ULK4: variants seen among roughly 807,000 people sequenced by gnomAD.
ULK4 encodes inactive serine/threonine-protein kinase ULK4.
In ULK4, 133 loss-of-function variants were observed where a neutral mutation model predicts 160.6. The observed-to-expected ratio is 0.83, with a 90% CI of 0.72 to 0.96. The LOEUF (loss-of-function observed/expected upper bound fraction) is 0.96, where lower values mean the gene tolerates loss of function less well. ULK4 is among the 40% of genes least tolerant of loss of function. ULK4 has a pLI of 0.00. For missense variants in ULK4, 1,580 were observed against 1,499.5 expected, an observed-to-expected ratio of 1.05 and a Z score of -0.89; for synonymous variants, 534 against 539.8, an observed-to-expected ratio of 0.99 and a Z score of 0.15.
chr3:41,831,012 T>A (rs77717550), intron 18 of ULK4, among the ~76,000 whole-genome samples: 1,930 of 96,966 alleles, frequency 0.02, 28 homozygotes, highest in African/African-American at 0.05. Context: ...TTATTATTTT[T>A]TTTATTTATT....
At chr3:41,653,466 T>C (rs991395682) in intron 30 of ULK4, among the ~76,000 whole-genome samples, 1 of 152,170 alleles carries the variant, frequency 6.6e-6, no homozygotes, top group Non-Finnish European at 1.5e-5. Flanking sequence ...ATTTTTTCAA[T>C]GGCAATTGTC....
At chr3:41,426,529 C>T (rs2082779796) in intron 34 of ULK4, among the ~76,000 whole-genome samples, 1 of 152,130 alleles carries the variant, frequency 6.6e-6, no homozygotes, top group Non-Finnish European at 1.5e-5. Context: ...AAGCAAAACA[C>T]TCCTCAGAAA....
chr3:41,650,451 G>C (rs939961116), intron 30 of ULK4, among the ~76,000 whole-genome samples: 5 of 152,202 alleles, frequency 3.3e-5, no homozygotes, highest in African/African-American at 1.2e-4. Flanking sequence ...CAAGCTTCTG[G>C]ATGCTACCAC....
chr3:41,574,482 T>C (rs1333948997), intron 31 of ULK4, among the ~76,000 whole-genome samples: 2 of 147,234 alleles, frequency 1.4e-5, no homozygotes, highest in Non-Finnish European at 3.0e-5. Flanking sequence ...AGTCTCCTAA[T>C]GGGTGTCTCT....
chr3:41,829,185 T>G (rs1283171197), intron 18 of ULK4, among the ~76,000 whole-genome samples: 8 of 149,938 alleles, frequency 5.3e-5, no homozygotes, highest in Non-Finnish European at 1.0e-4. Flanking sequence ...CCTAAAACCA[T>G]AAAAACCCTA....
chr3:41,882,964 G>C (rs1438488705), intron 17 of ULK4, among the ~76,000 whole-genome samples: 2 of 152,022 alleles, frequency 1.3e-5, no homozygotes, highest in Non-Finnish European at 2.9e-5. Context: ...TAATCATATA[G>C]GTCACAATTC....
chr3:41,913,548 A>G (rs1362310069), intron 8 of ULK4, among the ~76,000 whole-genome samples: 1 of 152,154 alleles, frequency 6.6e-6, no homozygotes, highest in Non-Finnish European at 1.5e-5. Flanking sequence ...TAAAGTAAAT[A>G]TATCAGATAT....
At chr3:41,632,588 A>G (rs1184091109) in intron 30 of ULK4, among the ~76,000 whole-genome samples, 2 of 152,220 alleles carry the variant, frequency 1.3e-5, no homozygotes, top group Non-Finnish European at 2.9e-5. Context: ...AGAAGAGACA[A>G]CAGAATAACC....
chr3:41,840,860 C>T (rs2041896463), intron 17 of ULK4, among the ~76,000 whole-genome samples: 1 of 152,024 alleles, frequency 6.6e-6, no homozygotes, highest in East Asian at 1.9e-4. Context: ...GGGAGCCCCT[C>T]TGCCTGGCTG....
intron 35 of ULK4, among the ~76,000 whole-genome samples, chr3:41,381,714 C>T (rs1487074202): frequency 6.6e-6 from 1 of 152,158 alleles, no homozygotes; most frequent in East Asian, 1.9e-4. Flanking sequence ...TATCTCTTAT[C>T]CTTCACCCTC....
At chr3:41,749,725 T>A (rs1200114124) in intron 22 of ULK4, among the ~76,000 whole-genome samples, 2 of 152,092 alleles carry the variant, frequency 1.3e-5, no homozygotes, top group African/African-American at 4.8e-5. Flanking sequence ...AAGTCCCAAT[T>A]CCATTAATCT....
intron 22 of ULK4, among the ~76,000 whole-genome samples, chr3:41,730,253 C>A (rs1484759595): frequency 1.3e-5 from 2 of 152,062 alleles, no homozygotes; most frequent in African/African-American, 4.8e-5. Flanking sequence ...CAACAAGAAA[C>A]TAAACCCAAC....
intron 17 of ULK4, among the ~76,000 whole-genome samples, chr3:41,844,716 G>A (rs1378729528): frequency 7.9e-5 from 12 of 151,122 alleles, no homozygotes; most frequent in Non-Finnish European, 1.5e-4. Flanking sequence ...CTGCCAGCAC[G>A]CTGTCACCTC....
chr3:41,267,357 G>T (rs1329861113), intron 35 of ULK4, among the ~76,000 whole-genome samples: 1 of 152,068 alleles, frequency 6.6e-6, no homozygotes, highest in Non-Finnish European at 1.5e-5. Context: ...TCCTTTTTAT[G>T]GCTGCATAGT....
chr3:41,831,039 T>G lies in ULK4; in HGVS notation c.1764+4825A>C, dbSNP rs76224583. On this transcript the variant is annotated intron_variant, in intron 18 of 36. Transcript: ENST00000301831. ...TTATTTATTTATTTATTTATTGATTTATTTATTAGACAGGGTGTTGCTCTG... is the reference window on the plus strand; with the variant it reads ...TTATTTATTTATTTATTTATTGATTGATTTATTAGACAGGGTGTTGCTCTG... Among the ~76,000 whole-genome samples, 723 of 142,550 alleles carry G rather than the reference T, an allele frequency of 5.1e-3. 9 individuals carry two copies. Among genetic ancestry groups the G allele is most frequent in the East Asian group, 0.042 (212 of 4,996 alleles). 93.5% of individuals were successfully genotyped at this position (142,550 alleles called of 152,430 possible). A position where few individuals can be genotyped will look rare whatever the true frequency, so the allele number is the denominator to read the frequency against.
intron 32 of ULK4, among the ~76,000 whole-genome samples, chr3:41,509,353 T>A (rs1008910393): frequency 2.0e-5 from 3 of 152,148 alleles, no homozygotes; most frequent in African/African-American, 7.2e-5. Context: ...TAAGAATAAT[T>A]GGTGTTCCTG....
chr3:41,385,632 A>C (rs1159796937), intron 35 of ULK4, among the ~76,000 whole-genome samples: 1 of 152,252 alleles, frequency 6.6e-6, no homozygotes, highest in Non-Finnish European at 1.5e-5. Flanking sequence ...GCAATATCCT[A>C]TGAACAATAC....
Position 41,507,820 on chromosome 3 carries a change from T to C in ULK4, c.3227-44567A>G, listed in dbSNP as rs765323180. ...CCTATGAAGAAATATTCAAATAAGG[T>C]GGCAGGACCAGCTTGCAGCTCCCAC... On this transcript the variant is annotated intron_variant, in intron 32 of 36. Transcript: ENST00000301831. Among the ~76,000 whole-genome samples, 13 of 152,270 alleles carry C rather than the reference T, an allele frequency of 8.5e-5. No homozygotes were observed. The East Asian group carries it at 1.7e-3, about 20-fold the overall frequency.
chr3:41,380,328 G>C (rs1256755234), intron 35 of ULK4, among the ~76,000 whole-genome samples: 1 of 152,152 alleles, frequency 6.6e-6, no homozygotes, highest in East Asian at 1.9e-4. Context: ...TACATATGAA[G>C]AATGTTATAA....
Sources: gnomAD v4.1 joint callset for allele counts (sites outside exome capture counted in the v4.1 genomes callset) on GRCh38, gnomAD v4.1.1 for gene constraint, MANE v1.5 for transcripts, NCBI Gene and HGNC (gene_info 2026-07-23, HGNC 2026-07-21) for gene names.